Variants in ELP1 observed in about 807,000 individuals in gnomAD.
ELP1 encodes elongator acetyltransferase complex subunit 1, also known as elongator complex protein 1.
Under a neutral mutation model 183.2 loss-of-function variants are expected in ELP1, and 131 were observed. The ratio of observed to expected loss-of-function variants is 0.72; its 90% CI spans 0.62 to 0.83. The LOEUF (loss-of-function observed/expected upper bound fraction) is 0.83. ELP1 is among the 40% of genes least tolerant of loss of function. The pLI, the probability that ELP1 is intolerant of heterozygous loss-of-function variation, is 0.00. For synonymous variants in ELP1, 555 were observed against 569.0 expected (o/e 0.98, Z 0.35); for missense variants, 1,550 against 1,594.9 (o/e 0.97, Z 0.48).
chr9:108,921,657 G>A (rs1398919228), intron 6 of ELP1, among the ~76,000 whole-genome samples: 1 of 151,634 alleles, frequency 6.6e-6, no homozygotes, highest in East Asian at 1.9e-4. Context: ...CAGTTGTAGT[G>A]GATCACCCCC....
intron 8 of ELP1, among the ~76,000 whole-genome samples, 189 bp from the exon 9 acceptor site, chr9:108,917,859 G>A (rs1013219427): frequency 6.6e-6 from 1 of 152,156 alleles, no homozygotes; most frequent in Non-Finnish European, 1.5e-5. Context: ...CCCACTGTGG[G>A]ACTGTACTTG....
chr9:108,875,390 A>T (rs1307363015), intron 35 of ELP1, among the ~76,000 whole-genome samples: 1 of 152,270 alleles, frequency 6.6e-6, no homozygotes, highest in Non-Finnish European at 1.5e-5. Context: ...ACTATGGAGC[A>T]GAATGGAAAC....
At position 108,869,463 on chromosome 9, in the gene ELP1, G is replaced by C. The variant is rs118146489; in HGVS notation, c.3932-281C>G. The stretch of plus-strand genomic sequence containing the variant: ...TGTATTTCAAACTGGTGGGAGGGGT[G>C]GTGGCAGCAGTCACATGGCTGTATA... On this transcript the variant is annotated intron_variant, in intron 36 of 36. Coordinates refer to ENST00000374647, the MANE Select transcript of ELP1 (RefSeq NM_003640.5). Among the ~76,000 whole-genome samples, 2,372 of 152,214 alleles carry C rather than the reference G, an allele frequency of 0.016. 29 individuals carry two copies. Among genetic ancestry groups the C allele is most frequent in the Non-Finnish European group, 0.025 (1,670 of 68,008 alleles).
At chr9:108,895,979 C>T (rs972438330) in intron 25 of ELP1, among the ~76,000 whole-genome samples, 2 of 152,154 alleles carry the variant, frequency 1.3e-5, no homozygotes, top group Admixed American at 6.5e-5. Context: ...AATTTTAGGC[C>T]GCACATGGTG....
chr9:108,902,772 T>C, intron 16 of ELP1, 67 bp downstream of exon 16: 6 of 1,209,870 alleles, frequency 5.0e-6, no homozygotes, highest in Non-Finnish European at 7.4e-6. Flanking sequence ...CCCACGCTCT[T>C]TCTACTTAAT....
intron 3 of ELP1, among the ~76,000 whole-genome samples, chr9:108,928,490 A>T (rs1461968817): frequency 6.6e-6 from 1 of 152,194 alleles, no homozygotes; most frequent in East Asian, 1.9e-4. Flanking sequence ...AAGAAAACAC[A>T]GTGTAGAGGC....
chr9:108,868,614 C>G lies in ELP1; in HGVS notation c.*501G>C, dbSNP rs1335088932. The G allele has an allele frequency of 2.2e-6, 1 of 450,566 alleles. No individual in the cohort carries two copies. Among genetic ancestry groups the G allele is most frequent in the Non-Finnish European group, 3.9e-6 (1 of 258,422 alleles). The allele number at this position is 450,566 out of a possible 1,614,324, so 27.9% of individuals were successfully genotyped here. On this transcript the variant is annotated 3_prime_UTR_variant, in exon 37 of 37. Transcript: ENST00000374647. The stretch of plus-strand genomic sequence containing the variant: ...CTGGTAAGATGTTACAAAATAATAG[C>G]TGTCAGCAAAGGAGGGCTTATAATT...
In ELP1 at chr9:108,917,589, A is replaced by G. The variant is rs1207966755; in HGVS notation, c.822T>C (p.Leu274=). 1 of 1,614,074 alleles carries G rather than the reference A, an allele frequency of 6.2e-7. No homozygotes were observed. The highest frequency in any genetic ancestry group is 8.5e-7 in the Non-Finnish European group (1 of 1,179,924). Reference sequence around the variant, plus strand: ...GGAAGGGAAGTGTAAAGTGTCCATGAAGGAGTCCATTTTTCTCAAAAAACA... The same window carrying G: ...GGAAGGGAAGTGTAAAGTGTCCATGGAGGAGTCCATTTTTCTCAAAAAACA... The part of the protein sequence containing the change: ...DIVFFEKNGL[L]HGHFTLPFLK... The change falls in exon 9 of 37, where the codon CTT becomes CTC. Residue 274 remains leucine, a synonymous_variant. Transcript: ENST00000374647.
In ELP1 at chr9:108,883,351, G is replaced by C. The variant is rs549427843; in HGVS notation, c.3223-1164C>G. 2.6e-5 allele frequency among the ~76,000 whole-genome samples: 4 copies of C among 152,194 alleles called. No homozygotes were observed. In the East Asian group the frequency reaches 7.7e-4, roughly 29 times the overall value. On this transcript the variant is annotated intron_variant, in intron 29 of 36. Transcript: ENST00000374647. ...GCTAATTGTGTTTTTATTTTTTGTA[G>C]AAACAAGGTCTTTCTATGTTACCCA...
At chr9:108,871,300 C>T (rs909837147) in intron 36 of ELP1, among the ~76,000 whole-genome samples, 4 of 152,044 alleles carry the variant, frequency 2.6e-5, no homozygotes, top group Admixed American at 1.3e-4. Context: ...TGTTTGGGGG[C>T]AAGTAGATCA....
chr9:108,916,187 T>TA lies in ELP1; in HGVS notation c.958+16dup, dbSNP rs772836733. The TA allele has an allele frequency of 6.3e-7, 1 of 1,589,358 alleles. No homozygotes were observed. Among genetic ancestry groups the TA allele is most frequent in the Non-Finnish European group, 8.6e-7 (1 of 1,157,388 alleles). On this transcript the variant is annotated intron_variant, in intron 10 of 36. Coordinates refer to ENST00000374647, the MANE Select transcript of ELP1 (RefSeq NM_003640.5). ...CGTTTTATGGGGCAGAAGGCTGGGG[T>TA]ACTACAGCTGTCTTACCACAGGTTT...
rs1031025906 is a variant in ELP1, at chr9:108,896,861, G to A, written c.2587+92C>T. On this transcript the variant is annotated intron_variant, in intron 24 of 36. Coordinates refer to ENST00000374647, the MANE Select transcript of ELP1 (RefSeq NM_003640.5). The stretch of plus-strand genomic sequence containing the variant: ...AACTAAAAAGTCACATGTTAAATCT[G>A]TGGTGTGGCAATGACATGGTGATTG... 6.5e-6 allele frequency: 8 copies of A among 1,228,758 alleles called. No individual in the cohort carries two copies. The African/African-American group carries it at 8.9e-5, about 14-fold the overall frequency. The allele number at this position is 1,228,758 out of a possible 1,614,324, so 76.1% of individuals were successfully genotyped here. A position where few individuals can be genotyped will look rare whatever the true frequency, so the allele number is the denominator to read the frequency against.
intron 36 of ELP1, among the ~76,000 whole-genome samples, chr9:108,873,141 A>G (rs1240521398): frequency 6.6e-6 from 1 of 152,220 alleles, no homozygotes; most frequent in South Asian, 2.1e-4. Flanking sequence ...TTTGTCATCA[A>G]TTGCAACAAG....
intron 2 of ELP1, among the ~76,000 whole-genome samples, chr9:108,930,560 G>T (rs1024161538): frequency 2.0e-5 from 3 of 151,988 alleles, no homozygotes; most frequent in Non-Finnish European, 4.4e-5. Context: ...CGCGGTGGCG[G>T]GCGCCTGTAG....
chr9:108,891,349 G>A lies in ELP1; in HGVS notation c.3014C>T (p.Ala1005Val), dbSNP rs55658431. ...HLMQEHMYEP[A>V]GLMFARCGAH... ...ACCGCAACGGGCAAACATGAGCCCC[G>A]CTGGCTCATACATGTGCTCCTGCAT... The change falls in exon 28 of 37, where the codon GCG (alanine) becomes GTG (valine). Residue 1005 changes from alanine (A) to valine (V), a missense_variant. Transcript: ENST00000374647. 1.5e-5 allele frequency: 24 copies of A among 1,613,926 alleles called. No homozygotes were observed. Among genetic ancestry groups the A allele is most frequent in the Non-Finnish European group, 1.8e-5 (21 of 1,180,000 alleles).
chr9:108,920,393 T>C (rs1829601189), intron 6 of ELP1, among the ~76,000 whole-genome samples: 1 of 151,768 alleles, frequency 6.6e-6, no homozygotes, highest in Non-Finnish European at 1.5e-5. Context: ...GTGATTCTAC[T>C]ACCTTAGCTT....
At chr9:108,875,235 T>C (rs1414987447) in intron 35 of ELP1, among the ~76,000 whole-genome samples, 1 of 152,172 alleles carries the variant, frequency 6.6e-6, no homozygotes, top group Non-Finnish European at 1.5e-5. Flanking sequence ...CAGTGATATA[T>C]CTTGGCCTTT....
At chr9:108,904,264 G>A (rs62575181) in intron 14 of ELP1, among the ~76,000 whole-genome samples, 2 of 73,006 alleles carry the variant, frequency 2.7e-5, no homozygotes, top group African/African-American at 7.6e-5. Context: ...TTTTTTTTTG[G>A]ACAGTGTCTT....
In ELP1 at chr9:108,878,718, C is replaced by T. The variant is rs775458140; in HGVS notation, c.3605G>A (p.Arg1202Gln). ...GCCTTCTTTGAGGCTGTGCTTCTTC[C>T]GCTCCGCTTTTCGGCGATTCTTGGA... ...RSSKNRRKAE[R>Q]KKHSLKEGSP... Residue 1202 changes from arginine to glutamine, a missense_variant, in exon 34 of 37, where the codon CGG becomes CAG. Transcript: ENST00000374647. 11 of 1,614,050 alleles carry T rather than the reference C, an allele frequency of 6.8e-6. No individual in the cohort carries two copies. Among genetic ancestry groups the T allele is most frequent in the Admixed American group, 3.3e-5 (2 of 59,992 alleles).
Sources: allele counts gnomAD v4.1 joint callset (sites outside exome capture counted in the v4.1 genomes callset), GRCh38; gene constraint gnomAD v4.1.1; transcripts MANE v1.5; gene names NCBI Gene and HGNC (gene_info 2026-07-23, HGNC 2026-07-21).